Variants in SKI observed in about 807,000 individuals in gnomAD.
The protein encoded by SKI is ski oncogene.
Under a neutral mutation model 59.3 loss-of-function variants are expected in SKI, and 23 were observed. The observed-to-expected ratio is 0.39, with a 90% CI of 0.28 to 0.55. The LOEUF (loss-of-function observed/expected upper bound fraction) is 0.55, where lower values mean the gene tolerates loss of function less well. Among genes scored for constraint, SKI ranks in the 20% least tolerant of loss-of-function variants. The pLI is 0.67. For missense variants in SKI, 1,017 were observed against 1,038.9 expected, an observed-to-expected ratio of 0.98 and a Z score of 0.29; for synonymous variants, 673 against 488.6, an observed-to-expected ratio of 1.38 and a Z score of -4.98.
In SKI at chr1:2,228,849, C is replaced by T. The variant is rs1569656949; in HGVS notation, c.83C>T (p.Ser28Phe). 7.0e-7 allele frequency: 1 copy of T among 1,426,360 alleles called. No individual in the cohort carries two copies. The highest frequency in any genetic ancestry group is 9.2e-7 in the Non-Finnish European group (1 of 1,085,918). 88.4% of individuals were successfully genotyped at this position (1,426,360 alleles called of 1,614,324 possible). ...QKTLEQFHLS[S>F]MSSLGGPAAF... The stretch of plus-strand genomic sequence containing the variant: ...ACGCTGGAGCAGTTCCACCTGAGCT[C>T]CATGAGCTCGCTGGGCGGCCCGGCC... The change falls in exon 1 of 7, where the codon TCC becomes TTC. Residue 28 changes from serine to phenylalanine, a missense_variant. Coordinates refer to ENST00000378536, the MANE Select transcript of SKI (RefSeq NM_003036.4).
At chr1:2,271,809 G>T (rs988747428) in intron 1 of SKI, among the ~76,000 whole-genome samples, 2 of 152,150 alleles carry the variant, frequency 1.3e-5, no homozygotes, top group Non-Finnish European at 2.9e-5. Context: ...GTCTGTTGCC[G>T]AGGGGCCAGG....
chr1:2,239,933 G>C (rs1557813821), intron 1 of SKI, among the ~76,000 whole-genome samples: 1 of 152,226 alleles, frequency 6.6e-6, no homozygotes, highest in South Asian at 2.1e-4. Context: ...TAACTTCAGT[G>C]CCCCCACCCC....
At chr1:2,290,195 G>C (rs903923) in intron 1 of SKI, among the ~76,000 whole-genome samples, 78,541 of 151,358 alleles carry the variant, frequency 0.52, 22,039 homozygotes, top group African/African-American at 0.75. Context: ...GCTGCCCCCG[G>C]CAGAGCCTTT....
At chr1:2,237,975 C>T (rs767957972) in intron 1 of SKI, among the ~76,000 whole-genome samples, 9 of 152,224 alleles carry the variant, frequency 5.9e-5, no homozygotes, top group Non-Finnish European at 8.8e-5. Context: ...CCTCGTGTGG[C>T]GGGCGTCTCT....
intron 1 of SKI, among the ~76,000 whole-genome samples, chr1:2,283,352 G>C (rs746619515): frequency 1.3e-4 from 13 of 103,154 alleles, no homozygotes; most frequent in South Asian, 5.3e-4. Context: ...GAGCCTCAGG[G>C]GGGGGAGGGC....
intron 1 of SKI, among the ~76,000 whole-genome samples, chr1:2,262,458 G>T (rs1197448284): frequency 6.8e-6 from 1 of 146,952 alleles, no homozygotes; most frequent in Non-Finnish European, 1.5e-5. Flanking sequence ...GGACGTCCTC[G>T]CTCCTGATCT....
At chr1:2,276,028 C>T (rs1376083620) in intron 1 of SKI, among the ~76,000 whole-genome samples, 1 of 152,192 alleles carries the variant, frequency 6.6e-6, no homozygotes, top group African/African-American at 2.4e-5. Context: ...GAGAATTGAG[C>T]AATCTCCTTG....
chr1:2,273,805 C>T (rs1314857136), intron 1 of SKI, among the ~76,000 whole-genome samples: 2 of 152,192 alleles, frequency 1.3e-5, no homozygotes, highest in African/African-American at 2.4e-5. Flanking sequence ...CTTGGGAGCA[C>T]GGTGGCCCTC....
At chr1:2,292,756 C>T (rs1374989659) in intron 1 of SKI, among the ~76,000 whole-genome samples, 3 of 152,232 alleles carry the variant, frequency 2.0e-5, no homozygotes, top group Admixed American at 6.5e-5. Context: ...ACGTGAGGGC[C>T]TGTGGCTTTT....
intron 1 of SKI, among the ~76,000 whole-genome samples, chr1:2,280,602 G>A (rs555257990): frequency 7.4e-5 from 11 of 148,630 alleles, no homozygotes; most frequent in Admixed American, 1.3e-4. Flanking sequence ...GATCTTCAGA[G>A]AGAAGATGCC....
intron 1 of SKI, among the ~76,000 whole-genome samples, chr1:2,259,169 A>G (rs1303117040): frequency 6.6e-6 from 1 of 152,108 alleles, no homozygotes; most frequent in African/African-American, 2.4e-5. Context: ...GTAAAGTTTT[A>G]CAGGTGCATG....
chr1:2,276,130 G>A (rs1024211004), intron 1 of SKI, among the ~76,000 whole-genome samples: 7 of 152,188 alleles, frequency 4.6e-5, no homozygotes, highest in Non-Finnish European at 8.8e-5. Context: ...CATTTACTGT[G>A]ATTGAGCACA....
At chr1:2,240,653 T>A in intron 1 of SKI, 1 of 985,366 alleles carries the variant, frequency 1.0e-6, no homozygotes, top group Non-Finnish European at 1.2e-6. Context: ...CAAGAAAACT[T>A]GGAATTCTTC....
At chr1:2,301,728 C>T (rs908254574) in intron 1 of SKI, among the ~76,000 whole-genome samples, 8 of 152,254 alleles carry the variant, frequency 5.3e-5, no homozygotes, top group Non-Finnish European at 8.8e-5. Context: ...CCTGAGTGTG[C>T]TCTGTCCACC....
At chr1:2,243,942 T>G (rs758889989) in intron 1 of SKI, among the ~76,000 whole-genome samples, 10 of 151,810 alleles carry the variant, frequency 6.6e-5, no homozygotes, top group Non-Finnish European at 1.2e-4. Context: ...AAGGTGGGAT[T>G]GTTTTACCCA....
At chr1:2,249,730 C>T (rs1471679936) in intron 1 of SKI, among the ~76,000 whole-genome samples, 2 of 152,200 alleles carry the variant, frequency 1.3e-5, no homozygotes, top group Non-Finnish European at 1.5e-5. Context: ...CCTCATGGGG[C>T]CTCCCTGTCC....
intron 1 of SKI, among the ~76,000 whole-genome samples, chr1:2,262,867 G>A (rs1416131618): frequency 6.6e-6 from 1 of 152,086 alleles, no homozygotes; most frequent in Non-Finnish European, 1.5e-5. Context: ...CAGTCGTGAT[G>A]TATTATTATT....
At chr1:2,258,393 A>G (rs1487507844) in intron 1 of SKI, among the ~76,000 whole-genome samples, 2 of 152,114 alleles carry the variant, frequency 1.3e-5, no homozygotes, top group African/African-American at 4.8e-5. Context: ...TGAGCGTGCT[A>G]CGGCGTCATG....
At chr1:2,278,277 T>G (rs528543622) in intron 1 of SKI, among the ~76,000 whole-genome samples, 1 of 152,300 alleles carries the variant, frequency 6.6e-6, no homozygotes, top group African/African-American at 2.4e-5. Context: ...GTGGAGGCCT[T>G]GCCTAGAGGC....
Sources: gnomAD v4.1 joint callset for allele counts (sites outside exome capture counted in the v4.1 genomes callset) on GRCh38, gnomAD v4.1.1 for gene constraint, MANE v1.5 for transcripts, NCBI Gene and HGNC (gene_info 2026-07-23, HGNC 2026-07-21) for gene names.